SYNE2: variants seen among roughly 807,000 people sequenced by gnomAD.
SYNE2 encodes nesprin-2.
A neutral mutation model predicts 856.3 loss-of-function variants in SYNE2; 431 were observed. The ratio of observed to expected loss-of-function variants is 0.50; its 90% CI spans 0.47 to 0.55. The LOEUF is 0.55. Among genes scored for constraint, SYNE2 ranks in the 20% least tolerant of loss-of-function variants. The probability of loss-of-function intolerance (pLI) is 0.00; values close to 1 mark genes in which losing one functional copy is unlikely to be tolerated. For synonymous variants in SYNE2, 2,923 were observed against 2,872.3 expected (o/e 1.02, Z -0.56); for missense variants, 8,129 against 8,023.2 (o/e 1.01, Z -0.50).
intron 57 of SYNE2, chr14:64,084,843 G>C (rs562338111): frequency 3.1e-6 from 2 of 649,984 alleles, no homozygotes; most frequent in East Asian, 2.7e-5. Flanking sequence ...ATGCGGTCAA[G>C]GTGTCGACAA....
chr14:64,116,664 C>A (rs564278675), intron 66 of SYNE2, among the ~76,000 whole-genome samples: 1 of 152,194 alleles, frequency 6.6e-6, no homozygotes, highest in African/African-American at 2.4e-5. Context: ...GATCCACCTG[C>A]CTTGGCCTCC....
chr14:63,895,371 A>G (rs1022773785), intron 1 of SYNE2, among the ~76,000 whole-genome samples: 6 of 151,580 alleles, frequency 4.0e-5, no homozygotes, highest in African/African-American at 1.5e-4. Context: ...GGCCTCCCAA[A>G]GTGCTGGGAT....
chr14:64,063,927 G>A (rs953017582), intron 50 of SYNE2, among the ~76,000 whole-genome samples: 4 of 152,076 alleles, frequency 2.6e-5, no homozygotes, highest in African/African-American at 9.7e-5. Flanking sequence ...TCCTGTACAC[G>A]CCTATGATAA....
intron 60 of SYNE2, among the ~76,000 whole-genome samples, chr14:64,092,358 G>A (rs1449175934): frequency 6.6e-6 from 1 of 152,150 alleles, no homozygotes; most frequent in East Asian, 1.9e-4. Flanking sequence ...GGAAGACAGT[G>A]GTGAAGACAA....
chr14:63,923,181 G>C (rs2095621085), intron 2 of SYNE2, among the ~76,000 whole-genome samples: 1 of 152,084 alleles, frequency 6.6e-6, no homozygotes, highest in Non-Finnish European at 1.5e-5. Context: ...GAGACAAATA[G>C]CACCCAACTT....
intron 23 of SYNE2, 150 bp downstream of exon 23, chr14:63,995,352 C>T (rs1170706843): frequency 1.1e-5 from 7 of 613,962 alleles, no homozygotes; most frequent in South Asian, 5.7e-5. Flanking sequence ...GCTTCACACT[C>T]GCAGCAGAGC....
intron 11 of SYNE2, among the ~76,000 whole-genome samples, chr14:63,971,571 A>G (rs2096477508): frequency 6.6e-6 from 1 of 151,220 alleles, no homozygotes; most frequent in African/African-American, 2.4e-5. Context: ...CCTCAGGACC[A>G]TGTTATCATT....
chr14:63,828,069 T>C (rs1307510111), intron 1 of SYNE2, among the ~76,000 whole-genome samples: 3 of 148,974 alleles, frequency 2.0e-5, no homozygotes, highest in Non-Finnish European at 3.0e-5. Flanking sequence ...TGGTGGTGCA[T>C]GCCTGTAACC....
intron 1 of SYNE2, among the ~76,000 whole-genome samples, chr14:63,900,352 C>G (rs977351145): frequency 6.6e-6 from 1 of 152,150 alleles, no homozygotes; most frequent in African/African-American, 2.4e-5. Flanking sequence ...ACTTAAACTT[C>G]CACATGGCTG....
chr14:64,085,076 T>C (rs1339541992), intron 57 of SYNE2: 4 of 694,910 alleles, frequency 5.8e-6, no homozygotes, highest in Non-Finnish European at 1.0e-5. Flanking sequence ...AGCCACATTT[T>C]TTTTTTTTCT....
Position 64,189,084 on chromosome 14 carries a change from A to G in SYNE2, c.17871+376A>G, listed in dbSNP as rs1374626476. ...CGTGGTGGCTCATTGCTGTAATCCT[A>G]GCACTTTGGGAGGCCAAGGCGGGTG... On this transcript the variant is annotated intron_variant, in intron 98 of 115. Coordinates refer to ENST00000555002, the MANE Select transcript of SYNE2 (RefSeq NM_182914.3). 3 of 666,778 alleles carry G rather than the reference A, an allele frequency of 4.5e-6. No individual in the cohort carries two copies. The East Asian group carries it at 8.1e-5, about 18-fold the overall frequency. The allele number at this position is 666,778 out of a possible 1,614,324, so 41.3% of individuals were successfully genotyped here.
At chr14:63,814,303 A>G (rs114161428) in intron 1 of SYNE2, among the ~76,000 whole-genome samples, 9,354 of 150,324 alleles carry the variant, frequency 0.062, 318 homozygotes, top group Admixed American at 0.1. Flanking sequence ...CAAACAAAGA[A>G]CAGAACAAAA....
Position 64,097,544 on chromosome 14 carries a change from T to C in SYNE2, c.12109-405T>C, listed in dbSNP as rs951443227. On this transcript the variant is annotated intron_variant, in intron 61 of 115. Coordinates refer to ENST00000555002, the MANE Select transcript of SYNE2 (RefSeq NM_182914.3). Reference sequence around the variant, plus strand: ...ATGGAAAGTCTGCATAAGGCACTTATGCAGTGTTGGTTAGTGTGCAGACTC... The same window carrying C: ...ATGGAAAGTCTGCATAAGGCACTTACGCAGTGTTGGTTAGTGTGCAGACTC... Among the ~76,000 whole-genome samples the C allele has an allele frequency of 7.9e-5, 12 of 152,364 alleles. 1 individual carries two copies. The South Asian group carries it at 1.9e-3, about 24-fold the overall frequency.
intron 2 of SYNE2, among the ~76,000 whole-genome samples, chr14:63,930,164 A>G (rs372577677): frequency 3.3e-5 from 5 of 151,860 alleles, no homozygotes; most frequent in Admixed American, 6.6e-5. Context: ...GCATTTGCCT[A>G]TGGTCCAGCT....
Position 64,175,040 on chromosome 14 carries a change from G to C in SYNE2, c.17332G>C (p.Glu5778Gln), listed in dbSNP as rs1260780552. Residue 5778 changes from glutamate to glutamine, a missense_variant, in exon 95 of 116, where the codon GAG (glutamate) becomes CAG (glutamine). Glu to Gln is a conservative substitution (Grantham distance 29, BLOSUM62 2). This residue lies in a region of SYNE2 where 5,410 missense variants were observed against 5,284.8 expected (regional missense o/e 1.02). Coordinates refer to ENST00000555002, the MANE Select transcript of SYNE2 (RefSeq NM_182914.3). ...GCTCACAACTGACCTGAAAACTAAA[G>C]AGTCTGTGGGTAGGAGAATCAGTCA... ...LLLTTDLKTK[E>Q]SVGRRISQLQ... The C allele has an allele frequency of 6.2e-6, 10 of 1,614,174 alleles. No individual in the cohort carries two copies. The highest frequency in any genetic ancestry group is 8.5e-6 in the Non-Finnish European group (10 of 1,180,036).
At chr14:64,136,315 TGGG>T (rs1007199716) in intron 78 of SYNE2, among the ~76,000 whole-genome samples, 11 of 139,266 alleles carry the variant, frequency 7.9e-5, no homozygotes, top group African/African-American at 8.5e-5. Context: ...AAAAAAAAAT[TGGG>T]GGGTGAATTA....
At chr14:63,881,069 C>T (rs993346783) in intron 1 of SYNE2, among the ~76,000 whole-genome samples, 5 of 151,720 alleles carry the variant, frequency 3.3e-5, no homozygotes, top group Non-Finnish European at 2.9e-5. Context: ...AGGCTGGTCT[C>T]GAACCCCTGA....
intron 1 of SYNE2, among the ~76,000 whole-genome samples, chr14:63,838,611 C>A (rs909776601): frequency 6.6e-6 from 1 of 151,982 alleles, no homozygotes; most frequent in Non-Finnish European, 1.5e-5. Flanking sequence ...AATTCCTTGG[C>A]TCCAGCAATC....
Position 63,990,980 on chromosome 14 carries a change from A to T in SYNE2, c.2511A>T (p.Leu837Phe), listed in dbSNP as rs772427993. The change falls in exon 21 of 116, where the codon TTA becomes TTT. Residue 837 changes from leucine to phenylalanine, a missense_variant. Around this residue, in one of 3 missense-constraint regions of SYNE2, gnomAD observed 2,422 missense variants for 2,357.4 expected, o/e 1.03. Coordinates refer to ENST00000555002, the MANE Select transcript of SYNE2 (RefSeq NM_182914.3). ...VVKLIAALKNLTDVSPDLDIR... is the reference protein window; with the variant it reads ...VVKLIAALKNFTDVSPDLDIR... ...AACTCATTGCAGCGTTGAAGAACTT[A>T]ACTGACGTTTCACCAGATTTGGACA... The T allele has an allele frequency of 6.2e-7, 1 of 1,614,184 alleles. No homozygotes were observed. Among genetic ancestry groups the T allele is most frequent in the East Asian group, 2.2e-5 (1 of 44,878 alleles).
Sources: allele counts gnomAD v4.1 joint callset (sites outside exome capture counted in the v4.1 genomes callset), GRCh38; gene constraint gnomAD v4.1.1; regional missense constraint gnomAD v4.1.1; transcripts MANE v1.5; gene names NCBI Gene and HGNC (gene_info 2026-07-23, HGNC 2026-07-21).